Variants in CGNL1 observed in about 807,000 individuals in gnomAD.
CGNL1 encodes the protein cingulin-like protein 1.
CGNL1 carries 132 observed loss-of-function variants against 141.2 expected under a neutral mutation model. That is an observed-to-expected ratio of 0.93 (90% CI 0.81 to 1.08). The LOEUF is 1.08. CGNL1 is among the 50% of genes least tolerant of loss of function. CGNL1 has a pLI of 0.00. For synonymous variants in CGNL1, 690 were observed against 622.1 expected, an observed-to-expected ratio of 1.11 and a Z score of -1.63; for missense variants, 1,870 against 1,588.6, an observed-to-expected ratio of 1.18 and a Z score of -3.01.
chr15:57,442,392 G>T lies in CGNL1; in HGVS notation c.1717G>T (p.Ala573Ser), dbSNP rs2063200822. ...TTTCAGAAGCACTGATAATGACGATGCTACTAAAAGGAAAGTCAACTTGGT... is the reference window on the plus strand; with the variant it reads ...TTTCAGAAGCACTGATAATGACGATTCTACTAAAAGGAAAGTCAACTTGGT... ...LKEGSTDNDD[A>S]TKRKVNLVFE... Residue 573 changes from alanine (A) to serine (S), a missense_variant, in exon 4 of 19, where the codon GCT becomes TCT. Ala to Ser is a moderately conservative substitution (Grantham distance 99, BLOSUM62 1). Transcript: ENST00000281282. The T allele has an allele frequency of 5.0e-6, 8 of 1,612,262 alleles. No individual in the cohort carries two copies. The East Asian group carries it at 8.9e-5, about 18-fold the overall frequency.
intron 8 of CGNL1, among the ~76,000 whole-genome samples, chr15:57,496,227 G>C (rs1479536254): frequency 6.6e-6 from 1 of 152,126 alleles, no homozygotes; most frequent in Non-Finnish European, 1.5e-5. Context: ...AAACGTGACT[G>C]TTTCTCAGAA....
chr15:57,424,630 T>C (rs774866666), intron 1 of CGNL1, among the ~76,000 whole-genome samples: 3 of 152,162 alleles, frequency 2.0e-5, no homozygotes, highest in Non-Finnish European at 4.4e-5. Context: ...TCGGGTTATA[T>C]TATTGTAAGT....
At chr15:57,451,401 C>T in intron 4 of CGNL1, 99 bp from the exon 5 acceptor site, 1 of 798,226 alleles carries the variant, frequency 1.3e-6, no homozygotes, top group Non-Finnish European at 2.0e-6. Context: ...TAGTGTTATG[C>T]CTCATCTGTT....
At chr15:57,432,406 A>G (rs1197591667) in intron 1 of CGNL1, among the ~76,000 whole-genome samples, 1 of 152,230 alleles carries the variant, frequency 6.6e-6, no homozygotes, top group Non-Finnish European at 1.5e-5. Context: ...ATATGTTCAT[A>G]GTTCTTCCAA....
chr15:57,516,605 A>G (rs776274580), intron 8 of CGNL1, among the ~76,000 whole-genome samples, 175 bp from the exon 9 acceptor site: 2 of 152,218 alleles, frequency 1.3e-5, no homozygotes, highest in Non-Finnish European at 2.9e-5. Flanking sequence ...GCGCTTTTCA[A>G]AACAGGTGAG....
chr15:57,458,996 T>C (rs1349229358), intron 7 of CGNL1, among the ~76,000 whole-genome samples: 3 of 152,218 alleles, frequency 2.0e-5, no homozygotes, highest in Non-Finnish European at 4.4e-5. Flanking sequence ...GTGCATGTCC[T>C]AGAGAAAATG....
intron 1 of CGNL1, among the ~76,000 whole-genome samples, chr15:57,391,561 T>C (rs2062543607): frequency 6.6e-6 from 1 of 152,212 alleles, no homozygotes; most frequent in Non-Finnish European, 1.5e-5. Flanking sequence ...AGTTTGGCAA[T>C]GGGGCTGCTT....
chr15:57,396,277 GTTTTTTTT>G (rs57154500), intron 1 of CGNL1, among the ~76,000 whole-genome samples: 1 of 129,218 alleles, frequency 7.7e-6, no homozygotes, highest in East Asian at 2.2e-4. Flanking sequence ...TTCTTTCTTT[GTTTTTTTT>G]TTTTTTTTTG....
At chr15:57,437,926 A>C (rs1008700156) in intron 1 of CGNL1, 59 bp from the exon 2 acceptor site, 84 of 1,414,270 alleles carry the variant, frequency 5.9e-5, no homozygotes, top group Middle Eastern at 3.7e-4. Context: ...TTCAGTCTTC[A>C]TTTAAACAGA....
At chr15:57,432,008 C>T (rs1038538361) in intron 1 of CGNL1, among the ~76,000 whole-genome samples, 26 of 152,238 alleles carry the variant, frequency 1.7e-4, no homozygotes, top group African/African-American at 6.3e-4. Flanking sequence ...CTCATCACCT[C>T]TCTACCCACT....
chr15:57,498,245 G>GTTTTTT (rs56793548), intron 8 of CGNL1, among the ~76,000 whole-genome samples: 2,164 of 100,912 alleles, frequency 0.021, 35 homozygotes, highest in Non-Finnish European at 0.026. Context: ...TGGGGAAACA[G>GTTTTTT]TTTTTTTTTT....
intron 1 of CGNL1, among the ~76,000 whole-genome samples, chr15:57,397,398 C>T (rs1294698342): frequency 1.3e-5 from 2 of 152,154 alleles, no homozygotes; most frequent in Non-Finnish European, 2.9e-5. Flanking sequence ...GAGAAAATGG[C>T]CTTACTGACT....
At chr15:57,446,121 A>G (rs1353691150) in intron 4 of CGNL1, among the ~76,000 whole-genome samples, 1 of 152,220 alleles carries the variant, frequency 6.6e-6, no homozygotes, top group Non-Finnish European at 1.5e-5. Context: ...ATATGTATAA[A>G]GGGTCTTGGG....
chr15:57,389,869 C>T (rs1333476965), intron 1 of CGNL1, among the ~76,000 whole-genome samples: 1 of 130,766 alleles, frequency 7.6e-6, no homozygotes, highest in Admixed American at 8.2e-5. Flanking sequence ...GGCTGGAGTA[C>T]AGTGGTGCCA....
At chr15:57,506,431 G>A (rs1472911949) in intron 8 of CGNL1, among the ~76,000 whole-genome samples, 1 of 152,140 alleles carries the variant, frequency 6.6e-6, no homozygotes, top group African/African-American at 2.4e-5. Flanking sequence ...CCTGGAAACT[G>A]GGGAACATTT....
At chr15:57,395,067 T>C (rs2062587843) in intron 1 of CGNL1, among the ~76,000 whole-genome samples, 1 of 152,208 alleles carries the variant, frequency 6.6e-6, no homozygotes, top group African/African-American at 2.4e-5. Context: ...GCTGAGATCA[T>C]GCCACTGCAC....
chr15:57,404,213 C>T (rs761467254), intron 1 of CGNL1, among the ~76,000 whole-genome samples: 1 of 152,238 alleles, frequency 6.6e-6, no homozygotes, highest in Non-Finnish European at 1.5e-5. Context: ...TCACTTGCTT[C>T]TCCCTGCTGA....
intron 1 of CGNL1, among the ~76,000 whole-genome samples, chr15:57,421,311 C>T (rs776805177): frequency 6.6e-6 from 1 of 152,188 alleles, no homozygotes; most frequent in African/African-American, 2.4e-5. Context: ...CATAGCAGCC[C>T]AAGCTGACTG....
intron 9 of CGNL1, among the ~76,000 whole-genome samples, 156 bp from the exon 10 acceptor site, chr15:57,518,237 G>A (rs1023616235): frequency 2.0e-5 from 3 of 152,168 alleles, no homozygotes; most frequent in Admixed American, 6.5e-5. Context: ...CCAAGAACAC[G>A]GCTGTTGTGT....
Sources: gnomAD v4.1 joint callset for allele counts (sites outside exome capture counted in the v4.1 genomes callset) on GRCh38, gnomAD v4.1.1 for gene constraint, MANE v1.5 for transcripts, NCBI Gene and HGNC (gene_info 2026-07-23, HGNC 2026-07-21) for gene names.